The following UNC79 variants were observed in gnomAD, a reference collection of about 807,000 sequenced individuals.
The protein encoded by UNC79 is unc-79 subunit of NALCN channel complex.
Under a neutral mutation model 283.1 loss-of-function variants are expected in UNC79, and 37 were observed. The ratio of observed to expected loss-of-function variants is 0.13; its 90% CI spans 0.10 to 0.17. The LOEUF is 0.17. UNC79 is among the 10% of genes least tolerant of loss of function. The pLI is 1.00. For missense variants in UNC79, 2,272 were observed against 3,211.1 expected, an observed-to-expected ratio of 0.71 and a Z score of 7.07; for synonymous variants, 1,107 against 1,200.2, an observed-to-expected ratio of 0.92 and a Z score of 1.61.
rs146733923 is a variant in UNC79 at position 93,617,238 on chromosome 14, C to T, written c.4158C>T (p.Ser1386=). 3 of 1,614,212 alleles carry T rather than the reference C, an allele frequency of 1.9e-6. No homozygotes were observed. Among genetic ancestry groups the T allele is most frequent in the African/African-American group, 2.7e-5 (2 of 75,040 alleles). The change falls in exon 28 of 49, where the codon TCC becomes TCT. Residue 1386 remains serine, a synonymous_variant. Transcript: ENST00000555664. The surrounding 1 kb of genome is among the most constrained non-coding windows in gnomAD (Gnocchi z 4.5). ...ATTTCCAACAGCCGCCTCGTTGCTCCCTCTGGTCCCTAAAGCCTCACATCC... is the reference window on the plus strand; with the variant it reads ...ATTTCCAACAGCCGCCTCGTTGCTCTCTCTGGTCCCTAAAGCCTCACATCC...
rs372155393 is a variant in UNC79, at chr14:93,630,922, T to C, written c.5716+14T>C. ...CCTCAATATCAAGTAAGATTTCCTC[T>C]GCTGATTATTTCATCTATGCATTTA... On this transcript the variant is annotated intron_variant, in intron 31 of 48. Transcript: ENST00000555664. 3.1e-6 allele frequency: 5 copies of C among 1,605,394 alleles called. No individual in the cohort carries two copies. In the African/African-American group the frequency reaches 4.0e-5, roughly 13 times the overall value.
At chr14:93,599,074 C>A (rs2065299607) in intron 24 of UNC79, among the ~76,000 whole-genome samples, 1 of 152,198 alleles carries the variant, frequency 6.6e-6, no homozygotes. Context: ...TCTACTGTTT[C>A]TCCATGTTGC....
chr14:93,692,018 TC>T, intron 46 of UNC79, 72 bp downstream of exon 49: 1 of 1,529,972 alleles, frequency 6.5e-7, no homozygotes, highest in Non-Finnish European at 9.0e-7. Context: ...ATCCTCACAC[TC>T]CCTGTTTTCA....
Position 93,408,056 on chromosome 14 carries a change from CA to C in UNC79, c.-350-59609del, listed in dbSNP as rs536873747. The stretch of plus-strand genomic sequence containing the variant: ...TCAATGCATTATGTCCGGTCTTCAA[CA>C]AAAAATTACAAGGCATAATTAATGG... On this transcript the variant is annotated intron_variant, in intron 1 of 49. Transcript: ENST00000256339. Among the ~76,000 whole-genome samples the C allele has an allele frequency of 2.7e-3, 406 of 152,096 alleles. 1 individual carries two copies. The highest frequency in any genetic ancestry group is 9.3e-3 in the African/African-American group (384 of 41,488).
At chr14:93,496,332 A>T in intron 5 of UNC79, 79 bp from the exon 6 acceptor site, 1 of 933,818 alleles carries the variant, frequency 1.1e-6, no homozygotes, top group South Asian at 2.0e-5. Flanking sequence ...TATTGAAGTA[A>T]TTTCTTATAT....
chr14:93,706,403 G>C (rs2075882230), intron 48 of UNC79, among the ~76,000 whole-genome samples: 1 of 152,190 alleles, frequency 6.6e-6, no homozygotes, highest in Non-Finnish European at 1.5e-5. Context: ...GTCGTAAACA[G>C]TTCACTGGGG....
intron 14 of UNC79, among the ~76,000 whole-genome samples, chr14:93,564,657 G>A (rs964951831): frequency 3.3e-5 from 5 of 152,174 alleles, no homozygotes; most frequent in Non-Finnish European, 7.3e-5. Context: ...CAGGCGGGCT[G>A]AGTCTGGAAA....
chr14:93,473,112 AT>A (rs149994513), intron 2 of UNC79, among the ~76,000 whole-genome samples: 1,862 of 151,964 alleles, frequency 0.012, 35 homozygotes, highest in African/African-American at 0.039. Context: ...ATTCCCATTA[AT>A]TTTTTTTAAC....
chr14:93,538,075 C>T (rs2061173232), exon 12 of UNC79: 1 of 1,614,206 alleles, frequency 6.2e-7, no homozygotes, highest in Non-Finnish European at 8.5e-7. Flanking sequence ...CTGTTCGGTA[C>T]TGCAAGAGGT....
intron 32 of UNC79, among the ~76,000 whole-genome samples, chr14:93,638,003 C>A (rs1418208628): frequency 6.6e-6 from 1 of 152,188 alleles, no homozygotes; most frequent in Non-Finnish European, 1.5e-5. Context: ...CTCACAGAAG[C>A]AAGCTGAAGG....
intron 3 of UNC79, among the ~76,000 whole-genome samples, chr14:93,475,063 C>T (rs1477976915): frequency 6.6e-6 from 1 of 152,094 alleles, no homozygotes; most frequent in East Asian, 1.9e-4. Flanking sequence ...GTCTAAGAGC[C>T]TGCTTCTTTT....
chr14:93,688,718 T>C lies in UNC79; in HGVS notation c.6963T>C (p.His2321=). ...TGCATGAAGATACCTTTGGGGGACA[T>C]CTCAAAGTGGGGCTGGCCCAGATTG... The change falls in exon 44 of 49, where the codon CAT becomes CAC. Residue 2321 remains histidine, a synonymous_variant. Transcript: ENST00000555664. The surrounding 1 kb of genome is among the most constrained non-coding windows in gnomAD (Gnocchi z 4.0). 6.2e-7 allele frequency: 1 copy of C among 1,613,904 alleles called. No homozygotes were observed. Among genetic ancestry groups the C allele is most frequent in the Non-Finnish European group, 8.5e-7 (1 of 1,179,970 alleles).
intron 34 of UNC79, among the ~76,000 whole-genome samples, chr14:93,644,467 A>G (rs1217196076): frequency 6.6e-6 from 1 of 152,184 alleles, no homozygotes; most frequent in Admixed American, 6.5e-5. Flanking sequence ...CAGGCGTTAG[A>G]CAGAGCTCTT....
rs138626983 is a variant in UNC79, at chr14:93,691,830, G to A, written c.7354G>A (p.Val2452Ile). The A allele has an allele frequency of 1.4e-5, 22 of 1,614,034 alleles. No homozygotes were observed. In the African/African-American group the frequency reaches 2.5e-4, roughly 19 times the overall value. Reference sequence around the variant, plus strand: ...GACAGTTTATTGCGAGCAAAGTGCCGTCGCTACAAATCTCCAAAATCAGAA... The same window carrying A: ...GACAGTTTATTGCGAGCAAAGTGCCATCGCTACAAATCTCCAAAATCAGAA... The change falls in exon 46 of 49, where the codon GTC (valine) becomes ATC (isoleucine). Residue 2452 changes from valine (V) to isoleucine (I), a missense_variant. Coordinates refer to ENST00000555664, the Ensembl canonical transcript of UNC79.
chr14:93,369,562 A>G (rs1321179450), intron 1 of UNC79, among the ~76,000 whole-genome samples: 1 of 152,244 alleles, frequency 6.6e-6, no homozygotes, highest in East Asian at 1.9e-4. Context: ...GTGCCCAGGT[A>G]GGAAAACCTG....
chr14:93,511,370 T>C (rs980838582), intron 7 of UNC79, among the ~76,000 whole-genome samples: 4 of 152,230 alleles, frequency 2.6e-5, no homozygotes, highest in Non-Finnish European at 5.9e-5. Flanking sequence ...AAATCTCCTT[T>C]ATATCAGTTT....
chr14:93,453,359 A>T lies in UNC79; in HGVS notation c.23-14312A>T, dbSNP rs767884392. On this transcript the variant is annotated intron_variant, in intron 1 of 48. Coordinates refer to ENST00000555664, the Ensembl canonical transcript of UNC79. ...GATTCATAGTTATCAGCCTTCGTATATCCCCGAAATTATTTGATTTTCACC... is the reference window on the plus strand; with the variant it reads ...GATTCATAGTTATCAGCCTTCGTATTTCCCCGAAATTATTTGATTTTCACC... Among the ~76,000 whole-genome samples, 5 of 152,218 alleles carry T rather than the reference A, an allele frequency of 3.3e-5. 1 individual carries two copies. Among genetic ancestry groups the T allele is most frequent in the Non-Finnish European group, 7.3e-5 (5 of 68,038 alleles).
In UNC79 at chr14:93,705,997, G is replaced by A. The variant is rs1409798672; in HGVS notation, c.7591-707G>A. On this transcript the variant is annotated intron_variant, in intron 48 of 48. Coordinates refer to ENST00000555664, the Ensembl canonical transcript of UNC79. ...TGGGCACTGCTGAAAACTGCCTCTCGGTACTAGTTTTTTCTGTGAAAAGAG... is the reference window on the plus strand; with the variant it reads ...TGGGCACTGCTGAAAACTGCCTCTCAGTACTAGTTTTTTCTGTGAAAAGAG... Among the ~76,000 whole-genome samples the A allele has an allele frequency of 3.3e-5, 5 of 152,250 alleles. No homozygotes were observed. In the South Asian group the frequency reaches 8.3e-4, roughly 25 times the overall value.
At chr14:93,577,248 A>G (rs1300512460) in intron 17 of UNC79, among the ~76,000 whole-genome samples, 1 of 152,088 alleles carries the variant, frequency 6.6e-6, no homozygotes, top group African/African-American at 2.4e-5. Flanking sequence ...ACTTAACCCA[A>G]CTGGAAGCTA....
Sources: gnomAD v4.1 joint callset for allele counts (sites outside exome capture counted in the v4.1 genomes callset) on GRCh38, gnomAD v4.1.1 for gene constraint, Gnocchi (gnomAD v3.1) non-coding constraint, MANE v1.5 for transcripts, NCBI Gene and HGNC (gene_info 2026-07-23, HGNC 2026-07-21) for gene names.